BUD23: variants seen among roughly 807,000 people sequenced by gnomAD.
BUD23 encodes BUD23 rRNA methyltransferase and ribosome maturation factor, also known as 18S rRNA (guanine-N(7))-methyltransferase.
A neutral mutation model predicts 47.0 loss-of-function variants in BUD23; 34 were observed. That is an observed-to-expected ratio of 0.72 (90% CI 0.55 to 0.96). BUD23 has a LOEUF of 0.96. Ranked by LOEUF, BUD23 falls within the 40% of genes least tolerant of loss-of-function variation. The pLI is 0.00. For synonymous variants in BUD23, 124 were observed against 132.0 expected (o/e 0.94, Z 0.41); for missense variants, 343 against 361.2 (o/e 0.95, Z 0.41).
intron 10 of BUD23, 178 bp from the exon 11 acceptor site, chr7:73,697,427 C>T (rs1584231988): frequency 1.3e-6 from 2 of 1,536,524 alleles, no homozygotes; most frequent in African/African-American, 1.4e-5. Context: ...TGGATGTTAT[C>T]AGGAAGGAGG....
At position 73,692,651 on chromosome 7, in the gene BUD23, G is replaced by A. The variant is rs782648694; in HGVS notation, c.510+5G>A. On this transcript the variant is annotated splice_donor_5th_base_variant and intron_variant, in intron 7 of 11. Transcript: ENST00000265758. ...TACCCTGAGAACTCAGAGCAGGTGA[G>A]TCCCTCGGCTACTGGGTGTGCCGGG... 3.7e-6 allele frequency: 6 copies of A among 1,612,864 alleles called. No individual in the cohort carries two copies. The highest frequency in any genetic ancestry group is 1.7e-6 in the Non-Finnish European group (2 of 1,179,028).
At chr7:73,687,150 C>A in intron 5 of BUD23, 55 bp downstream of exon 5, 1 of 1,570,474 alleles carries the variant, frequency 6.4e-7, no homozygotes, top group Non-Finnish European at 8.7e-7. Context: ...CTCACTCTAT[C>A]ACTTAGGCTC....
At chr7:73,695,646 G>A (rs1798375176) in intron 10 of BUD23, 1 of 152,340 alleles carries the variant, frequency 6.6e-6, no homozygotes, top group African/African-American at 2.4e-5. Context: ...GTCCCTCAGT[G>A]TGTATCCCCG....
Position 73,686,640 on chromosome 7 carries a change from C to A in BUD23, c.91C>A (p.Arg31=), listed in dbSNP as rs1490380663. The stretch of plus-strand genomic sequence containing the variant: ...CTTGTGTTTCTGCCTTACCAGCTCA[C>A]GGATGATTGATATCCAGACCAGGAT... ...TEARKYVRNS[R]MIDIQTRMAG... The change falls in exon 3 of 12, where the codon CGG becomes AGG. Residue 31 remains arginine (R), a synonymous_variant. Transcript: ENST00000265758. 1 of 1,614,002 alleles carries A rather than the reference C, an allele frequency of 6.2e-7. No individual in the cohort carries two copies. The highest frequency in any genetic ancestry group is 1.3e-5 in the African/African-American group (1 of 74,884).
In BUD23 at chr7:73,683,781, A is replaced by G. The variant is rs935427687; in HGVS notation, c.63A>G (p.Thr21=). ...GGPPELFYDE[T]EARKYVRNSR... ...CTTTTTCGCAGTTTTATGACGAGACAGAAGCCCGGAAATACGTTCGCAAGT... is the reference window on the plus strand; with the variant it reads ...CTTTTTCGCAGTTTTATGACGAGACGGAAGCCCGGAAATACGTTCGCAAGT... Residue 21 remains threonine, a synonymous_variant, in exon 2 of 12, where the codon ACA becomes ACG. Coordinates refer to ENST00000265758, the MANE Select transcript of BUD23 (RefSeq NM_017528.5). 1 of 1,614,192 alleles carries G rather than the reference A, an allele frequency of 6.2e-7. No homozygotes were observed. Among genetic ancestry groups the G allele is most frequent in the Non-Finnish European group, 8.5e-7 (1 of 1,180,038 alleles).
At position 73,692,943 on chromosome 7, in the gene BUD23, G is replaced by C. The variant is rs369660215; in HGVS notation, c.510+297G>C. On this transcript the variant is annotated intron_variant, in intron 7 of 11. Coordinates refer to ENST00000265758, the MANE Select transcript of BUD23 (RefSeq NM_017528.5). The stretch of plus-strand genomic sequence containing the variant: ...TAGGAAGGGTGAGAGGGCACCGACA[G>C]TTCTCCGTTGTGTGATGTATAAATT... The C allele has an allele frequency of 9.1e-6, 5 of 548,772 alleles. No individual in the cohort carries two copies. In the East Asian group the frequency reaches 1.2e-4, roughly 13 times the overall value. The allele number at this position is 548,772 out of a possible 1,614,324, so 34.0% of individuals were successfully genotyped here. A position where few individuals can be genotyped will look rare whatever the true frequency, so the allele number is the denominator to read the frequency against.
In BUD23 at chr7:73,690,374, G is replaced by A. The variant is rs141015072; in HGVS notation, c.363-542G>A. 4.6e-3 allele frequency among the ~76,000 whole-genome samples: 699 copies of A among 152,186 alleles called. 5 individuals carry two copies. Among genetic ancestry groups the A allele is most frequent in the African/African-American group, 0.015 (625 of 41,536 alleles). On this transcript the variant is annotated intron_variant, in intron 5 of 11. Coordinates refer to ENST00000265758, the MANE Select transcript of BUD23 (RefSeq NM_017528.5). ...AGAGTGGAAGGGAGTGATTTAGGAGGAAGGGTGATGGGATGGCTGTGTGTA... is the reference window on the plus strand; with the variant it reads ...AGAGTGGAAGGGAGTGATTTAGGAGAAAGGGTGATGGGATGGCTGTGTGTA...
chr7:73,684,245 T>A (rs1797849349), intron 2 of BUD23, among the ~76,000 whole-genome samples: 1 of 152,010 alleles, frequency 6.6e-6, no homozygotes, highest in Admixed American at 6.6e-5. Flanking sequence ...AACTACTGAG[T>A]TGTAGCCAGG....
At chr7:73,695,824 G>A (rs1477675362) in intron 10 of BUD23, 2 of 152,136 alleles carry the variant, frequency 1.3e-5, no homozygotes, top group Non-Finnish European at 2.9e-5. Flanking sequence ...AATGTAAGTT[G>A]TATCTTGTCA....
In BUD23 at chr7:73,686,642, G is replaced by T. The variant is rs782204487; in HGVS notation, c.93G>T (p.Arg31=). 1.5e-5 allele frequency: 24 copies of T among 1,614,134 alleles called. No individual in the cohort carries two copies. In the East Asian group the frequency reaches 5.3e-4, roughly 36 times the overall value. The part of the protein sequence containing the change: ...TEARKYVRNS[R]MIDIQTRMAG... ...TGTGTTTCTGCCTTACCAGCTCACG[G>T]ATGATTGATATCCAGACCAGGATGG... is the stretch of plus-strand genomic sequence containing the variant. The change falls in exon 3 of 12, where the codon CGG becomes CGT. Residue 31 remains arginine (R), a synonymous_variant. Coordinates refer to ENST00000265758, the MANE Select transcript of BUD23 (RefSeq NM_017528.5).
At position 73,693,989 on chromosome 7, in the gene BUD23, C is replaced by T. The variant is rs1447083019; in HGVS notation, c.643-3C>T. 1.9e-6 allele frequency: 3 copies of T among 1,612,160 alleles called. No homozygotes were observed. Among genetic ancestry groups the T allele is most frequent in the Non-Finnish European group, 2.5e-6 (3 of 1,179,556 alleles). ...TGACCTGAGTGCACTTTGGTTCCTG[C>T]AGGGGCTGAGTGAAAATCAGGATGA... On this transcript the variant is annotated splice_polypyrimidine_tract_variant and splice_region_variant and intron_variant, in intron 9 of 11. Transcript: ENST00000265758.
intron 3 of BUD23, 27 bp from the exon 4 acceptor site, chr7:73,686,791 C>T (rs1480447051): frequency 1.9e-6 from 3 of 1,614,036 alleles, no homozygotes; most frequent in South Asian, 2.2e-5. Context: ...TGTAAACTGA[C>T]CCTGAGTGTC....
chr7:73,694,255 C>T (rs1798309483), intron 10 of BUD23: 2 of 547,550 alleles, frequency 3.7e-6, no homozygotes, highest in Non-Finnish European at 6.3e-6. Context: ...TGCAGCCATG[C>T]AGCCTGGACT....
chr7:73,689,750 G>C (rs543699744), intron 5 of BUD23, among the ~76,000 whole-genome samples: 2 of 152,326 alleles, frequency 1.3e-5, no homozygotes, highest in South Asian at 4.1e-4. Flanking sequence ...GTCCTAAGAA[G>C]TTTGGGCTTG....
At chr7:73,693,848 C>T (rs943719144) in intron 9 of BUD23, 144 bp from the exon 10 acceptor site, 44 of 1,312,038 alleles carry the variant, frequency 3.4e-5, no homozygotes, top group Non-Finnish European at 4.7e-5. Context: ...CTCTGCAGGT[C>T]CCAGAAAGGC....
intron 2 of BUD23, 27 bp downstream of exon 2, chr7:73,683,831 C>G: frequency 6.2e-7 from 1 of 1,614,118 alleles, no homozygotes; most frequent in Non-Finnish European, 8.5e-7. Context: ...TACTGCGGGG[C>G]GTCCGGGGGT....
Position 73,697,648 on chromosome 7 carries a change from C to T in BUD23, c.745C>T (p.Arg249Trp), listed in dbSNP as rs782599250. The T allele has an allele frequency of 8.1e-6, 13 of 1,613,424 alleles. No homozygotes were observed. The highest frequency in any genetic ancestry group is 6.7e-5 in the Admixed American group (4 of 59,986). The change falls in exon 11 of 12, where the codon CGG becomes TGG. Residue 249 changes from arginine to tryptophan, a missense_variant. Physicochemically the swap from Arg to Trp is moderately radical, Grantham distance 101. Transcript: ENST00000265758. ...GAGGCGGGGAATGGTGAGGAAGAGT[C>T]GGGCATGGGTGCTGGAGAAGAAGGA... is the stretch of plus-strand genomic sequence containing the variant. ...MSRRGMVRKS[R>W]AWVLEKKERH...
At chr7:73,690,545 C>T (rs782767920) in intron 5 of BUD23, among the ~76,000 whole-genome samples, 2 of 152,196 alleles carry the variant, frequency 1.3e-5, no homozygotes, top group Non-Finnish European at 2.9e-5. Flanking sequence ...GACTATGGGA[C>T]ATAAATGCTG....
intron 6 of BUD23, among the ~76,000 whole-genome samples, chr7:73,692,097 C>G (rs1584223340): frequency 6.6e-6 from 1 of 152,036 alleles, no homozygotes; most frequent in Admixed American, 6.6e-5. Context: ...GGCCGCTGGC[C>G]TTTCCTGGGG....
Sources: gnomAD v4.1 joint callset for allele counts (sites outside exome capture counted in the v4.1 genomes callset) on GRCh38, gnomAD v4.1.1 for gene constraint, MANE v1.5 for transcripts, NCBI Gene and HGNC (gene_info 2026-07-23, HGNC 2026-07-21) for gene names.